PSD3: variants seen among roughly 807,000 people sequenced by gnomAD.
PSD3 encodes the protein pleckstrin and Sec7 domain containing 3, also known as PH and SEC7 domain-containing protein 3.
A neutral mutation model predicts 105.5 loss-of-function variants in PSD3; 49 were observed. The observed-to-expected ratio is 0.46, with a 90% CI of 0.37 to 0.59. The LOEUF (loss-of-function observed/expected upper bound fraction) is 0.59, where lower values mean the gene tolerates loss of function less well. Among genes scored for constraint, PSD3 ranks in the 20% least tolerant of loss-of-function variants. The probability of loss-of-function intolerance (pLI) is 0.00; values close to 1 mark genes in which losing one functional copy is unlikely to be tolerated. For missense variants in PSD3, 1,561 were observed against 1,263.8 expected (o/e 1.24, Z -3.57); for synonymous variants, 557 against 457.8 (o/e 1.22, Z -2.77).
At chr8:18,968,153 A>G (rs1344320085) in intron 1 of PSD3, among the ~76,000 whole-genome samples, 1 of 152,176 alleles carries the variant, frequency 6.6e-6, no homozygotes, top group Non-Finnish European at 1.5e-5. Context: ...CTGCACACGC[A>G]CACAAAACTG....
At chr8:18,966,620 C>T (rs1361778711) in intron 1 of PSD3, among the ~76,000 whole-genome samples, 1 of 149,996 alleles carries the variant, frequency 6.7e-6, no homozygotes, top group Non-Finnish European at 1.5e-5. Context: ...TTTAAAAATA[C>T]TTCCCTAGAC....
At chr8:18,846,640 A>G (rs1216505027) in intron 4 of PSD3, among the ~76,000 whole-genome samples, 1 of 152,084 alleles carries the variant, frequency 6.6e-6, no homozygotes, top group Non-Finnish European at 1.5e-5. Flanking sequence ...ACTTTCAAAC[A>G]TCTTGTGGTA....
At chr8:18,829,625 C>G (rs77349363) in intron 4 of PSD3, among the ~76,000 whole-genome samples, 12,170 of 152,138 alleles carry the variant, frequency 0.08, 1,362 homozygotes, top group African/African-American at 0.25. Context: ...CCTCTCCCTT[C>G]TAGCACACAC....
intron 11 of PSD3, among the ~76,000 whole-genome samples, chr8:18,630,779 T>C (rs1343219266): frequency 6.6e-6 from 1 of 151,976 alleles, no homozygotes; most frequent in Non-Finnish European, 1.5e-5. Context: ...CCCTCTAAAA[T>C]TCTGTCTGCA....
chr8:18,572,075 G>C (rs1458184964), intron 14 of PSD3, among the ~76,000 whole-genome samples: 3 of 152,158 alleles, frequency 2.0e-5, no homozygotes, highest in Non-Finnish European at 4.4e-5. Flanking sequence ...TCTGCTCTGA[G>C]GGGTAGGGCA....
intron 11 of PSD3, among the ~76,000 whole-genome samples, chr8:18,604,439 T>A (rs1408933796): frequency 6.6e-6 from 1 of 152,104 alleles, no homozygotes; most frequent in Admixed American, 6.6e-5. Flanking sequence ...TAACATCCTA[T>A]GCTCATATGT....
intron 9 of PSD3, chr8:18,684,007 G>A: frequency 1.4e-6 from 1 of 703,708 alleles, no homozygotes; most frequent in Admixed American, 1.9e-5. Flanking sequence ...CTCTCACGCT[G>A]GAGGAACTCT....
At chr8:18,785,021 TGAGCTTATCTAG>T (rs1470122549) in intron 8 of PSD3, among the ~76,000 whole-genome samples, 1 of 152,186 alleles carries the variant, frequency 6.6e-6, no homozygotes, top group Non-Finnish European at 1.5e-5. Flanking sequence ...GTCCCCTTGC[TGAGCTTATCTAG>T]GAGCTCACCA....
At chr8:18,649,808 G>A (rs1018529281) in intron 10 of PSD3, among the ~76,000 whole-genome samples, 4 of 152,154 alleles carry the variant, frequency 2.6e-5, no homozygotes. Flanking sequence ...AAGTTATTGT[G>A]AGATCTGGTT....
chr8:18,875,993 A>C (rs1817712416), intron 2 of PSD3, among the ~76,000 whole-genome samples: 3 of 152,176 alleles, frequency 2.0e-5, no homozygotes, highest in African/African-American at 7.2e-5. Context: ...CAATCATACA[A>C]TATATGGCAT....
chr8:18,743,263 A>C (rs922347594), intron 9 of PSD3, among the ~76,000 whole-genome samples: 1 of 152,156 alleles, frequency 6.6e-6, no homozygotes, highest in African/African-American at 2.4e-5. Flanking sequence ...AAATATTCCA[A>C]TGGGGCCAAC....
At chr8:18,548,392 C>T (rs1360598644) in intron 15 of PSD3, among the ~76,000 whole-genome samples, 1 of 152,076 alleles carries the variant, frequency 6.6e-6, no homozygotes, top group Non-Finnish European at 1.5e-5. Flanking sequence ...TGTTACTTAA[C>T]GTCTTGCACT....
intron 1 of PSD3, among the ~76,000 whole-genome samples, chr8:18,939,670 G>A (rs1822396468): frequency 6.6e-6 from 1 of 151,952 alleles, no homozygotes; most frequent in Admixed American, 6.5e-5. Flanking sequence ...CAATCAAATT[G>A]GTTTCTTTTG....
chr8:18,927,302 C>T (rs1821436518), intron 2 of PSD3, among the ~76,000 whole-genome samples: 1 of 152,112 alleles, frequency 6.6e-6, no homozygotes, highest in Non-Finnish European at 1.5e-5. Context: ...CAACCTCTGC[C>T]TCCAGGGTTC....
chr8:18,557,134 AT>A (rs1801130307), intron 14 of PSD3, among the ~76,000 whole-genome samples: 1 of 152,220 alleles, frequency 6.6e-6, no homozygotes, highest in Non-Finnish European at 1.5e-5. Context: ...TTCTGCCAGC[AT>A]TTTAAAAACA....
chr8:18,825,022 G>A (rs11204000), intron 4 of PSD3, among the ~76,000 whole-genome samples: 53,357 of 151,958 alleles, frequency 0.35, 9,900 homozygotes, highest in African/African-American at 0.45. Context: ...TAACTTTCCA[G>A]CATTTCTCAG....
intron 4 of PSD3, among the ~76,000 whole-genome samples, chr8:18,818,268 T>C (rs1169847222): frequency 1.3e-5 from 2 of 152,198 alleles, no homozygotes; most frequent in African/African-American, 4.8e-5. Flanking sequence ...GTTACCTTTA[T>C]GAAAGACAAC....
At chr8:18,993,196 G>C (rs1250147971) in intron 1 of PSD3, among the ~76,000 whole-genome samples, 1 of 152,138 alleles carries the variant, frequency 6.6e-6, no homozygotes, top group Non-Finnish European at 1.5e-5. Flanking sequence ...GCCAGAGTCA[G>C]TTTTCTCTTT....
chr8:18,939,999 G>A (rs1246086830), intron 1 of PSD3: 1 of 152,174 alleles, frequency 6.6e-6, no homozygotes, highest in Non-Finnish European at 1.5e-5. Flanking sequence ...ATGATTAAAA[G>A]TGTATTTCTC....
Sources: gnomAD v4.1 joint callset for allele counts (sites outside exome capture counted in the v4.1 genomes callset) on GRCh38, gnomAD v4.1.1 for gene constraint, MANE v1.5 for transcripts, NCBI Gene and HGNC (gene_info 2026-07-23, HGNC 2026-07-21) for gene names.